The following CHD6 variants were observed in gnomAD, a reference collection of about 807,000 sequenced individuals.
CHD6 encodes chromodomain helicase DNA binding protein 6.
CHD6 carries 50 observed loss-of-function variants against 276.9 expected under a neutral mutation model. The ratio of observed to expected loss-of-function variants is 0.18; its 90% CI spans 0.14 to 0.23. The LOEUF (loss-of-function observed/expected upper bound fraction) is 0.23. CHD6 is among the 10% of genes least tolerant of loss of function. The probability of loss-of-function intolerance (pLI) is 1.00; values close to 1 mark genes in which losing one functional copy is unlikely to be tolerated. For missense variants in CHD6, 2,564 were observed against 3,365.8 expected, an observed-to-expected ratio of 0.76 and a Z score of 5.89; for synonymous variants, 1,173 against 1,229.3, an observed-to-expected ratio of 0.95 and a Z score of 0.96.
intron 14 of CHD6, chr20:41,486,112 G>C (rs1405278776): frequency 6.6e-6 from 1 of 152,068 alleles, no homozygotes; most frequent in Non-Finnish European, 1.5e-5. Flanking sequence ...TCCCCCATAT[G>C]GGTAAGGAAT....
chr20:41,451,780 G>T, intron 22 of CHD6, 46 bp downstream of exon 22: 1 of 1,536,058 alleles, frequency 6.5e-7, no homozygotes, highest in Non-Finnish European at 9.0e-7. Flanking sequence ...AGGGGATGAA[G>T]TGCATGGGAA....
Position 41,413,349 on chromosome 20 carries a change from G to A in CHD6, c.7106C>T (p.Ser2369Phe). The change falls in exon 35 of 37, where the codon TCC (serine) becomes TTC (phenylalanine). Residue 2369 changes from serine (S) to phenylalanine (F), a missense_variant. By Grantham distance (155) the Ser-to-Phe change is radical (BLOSUM62 -2). This residue lies in a region of CHD6 where 1,024 missense variants were observed against 1,047.9 expected (regional missense o/e 0.98). Coordinates refer to ENST00000373233, the MANE Select transcript of CHD6 (RefSeq NM_032221.5). ...LDWLRQQADY[S>F]LEVPGFGANF... is the part of the protein sequence containing the mutation. ...TGCCCCAAAGCCAGGAACTTCTAAG[G>A]AGTAGTCAGCCTGCTGCCTTAGCCA... is the stretch of plus-strand genomic sequence containing the variant. 1 of 1,610,126 alleles carries A rather than the reference G, an allele frequency of 6.2e-7. No individual in the cohort carries two copies. Among genetic ancestry groups the A allele is most frequent in the East Asian group, 2.2e-5 (1 of 44,782 alleles).
At chr20:41,445,572 T>C (rs2048039905) in intron 25 of CHD6, 93 bp downstream of exon 25, 1 of 728,070 alleles carries the variant, frequency 1.4e-6, no homozygotes, top group Non-Finnish European at 2.4e-6. Flanking sequence ...GATAGAGTTT[T>C]GCAGGAACAT....
chr20:41,512,887 T>C lies in CHD6; in HGVS notation c.811A>G (p.Thr271Ala), dbSNP rs2044155220. The change falls in exon 5 of 37, where the codon ACA becomes GCA. Residue 271 changes from threonine (T) to alanine (A), a missense_variant. Coordinates refer to ENST00000373233, the MANE Select transcript of CHD6 (RefSeq NM_032221.5). Reference protein sequence around the residue: ...ETIAVLGAGRTSALSASTLAW... With the variant: ...ETIAVLGAGRASALSASTLAW... ...AGTGTAGAGGCTGAGAGTGCAGATG[T>C]TCGACCAGCTCCAAGAACAGCAATT... 5.6e-6 allele frequency: 9 copies of C among 1,614,084 alleles called. No homozygotes were observed. The highest frequency in any genetic ancestry group is 7.6e-6 in the Non-Finnish European group (9 of 1,179,960).
chr20:41,448,496 G>A (rs887636515), intron 23 of CHD6, among the ~76,000 whole-genome samples: 3 of 152,218 alleles, frequency 2.0e-5, no homozygotes, highest in African/African-American at 7.2e-5. Context: ...CATCAAACAT[G>A]TCTCAGACAA....
intron 1 of CHD6, among the ~76,000 whole-genome samples, chr20:41,608,180 T>C (rs374762928): frequency 2.0e-4 from 31 of 152,212 alleles, no homozygotes; most frequent in Admixed American, 2.0e-3. Flanking sequence ...ATGCACATTA[T>C]TTAAAATAAA....
chr20:41,523,521 T>A (rs1008231122), intron 3 of CHD6, among the ~76,000 whole-genome samples: 9 of 152,218 alleles, frequency 5.9e-5, no homozygotes, highest in Admixed American at 5.9e-4. Context: ...ATCATACATG[T>A]AGGACAACTA....
chr20:41,516,172 T>G (rs1160235727), intron 3 of CHD6, among the ~76,000 whole-genome samples: 1 of 143,484 alleles, frequency 7.0e-6, no homozygotes, highest in East Asian at 1.9e-4. Flanking sequence ...ATGGTAATTT[T>G]TTTTTTTTTT....
At chr20:41,591,867 A>T (rs2045665273) in intron 1 of CHD6, among the ~76,000 whole-genome samples, 1 of 152,208 alleles carries the variant, frequency 6.6e-6, no homozygotes. Context: ...TGGGAGGCCA[A>T]GGCAGGCAGA....
At chr20:41,465,421 A>T (rs539507602) in intron 17 of CHD6, among the ~76,000 whole-genome samples, 1 of 152,218 alleles carries the variant, frequency 6.6e-6, no homozygotes, top group Admixed American at 6.5e-5. Flanking sequence ...AGAAAACATC[A>T]GGCAAATACA....
intron 34 of CHD6, chr20:41,414,792 T>G: frequency 9.2e-7 from 1 of 1,089,962 alleles, no homozygotes; most frequent in Non-Finnish European, 1.1e-6. Flanking sequence ...CACATTCAGG[T>G]AGCCCTGACT....
chr20:41,412,337 A>G (rs1040212905), intron 35 of CHD6, 74 bp from the exon 36 acceptor site: 3 of 1,548,718 alleles, frequency 1.9e-6, no homozygotes, highest in African/African-American at 2.7e-5. Flanking sequence ...ATGCTTTTCA[A>G]CTGGTTTTGC....
chr20:41,528,054 C>G (rs2044587696), intron 3 of CHD6, among the ~76,000 whole-genome samples: 1 of 152,218 alleles, frequency 6.6e-6, no homozygotes, highest in Non-Finnish European at 1.5e-5. Context: ...GTTCATTATA[C>G]ATTATCCAGT....
At chr20:41,588,204 G>C (rs1233372459) in intron 1 of CHD6, among the ~76,000 whole-genome samples, 4 of 152,132 alleles carry the variant, frequency 2.6e-5, no homozygotes. Context: ...GGATAAATGT[G>C]TTAGTCATCA....
intron 2 of CHD6, among the ~76,000 whole-genome samples, chr20:41,543,180 C>G (rs191148224): frequency 8.6e-5 from 13 of 151,646 alleles, no homozygotes; most frequent in Non-Finnish European, 1.9e-4. Context: ...AGATACTAAG[C>G]TTATTAAATG....
At chr20:41,576,410 G>C (rs1426977658) in intron 1 of CHD6, among the ~76,000 whole-genome samples, 1 of 152,216 alleles carries the variant, frequency 6.6e-6, no homozygotes, top group Non-Finnish European at 1.5e-5. Context: ...CACAGGCCAG[G>C]CGTGGTGGCT....
At chr20:41,613,709 T>C (rs2045909866) in intron 1 of CHD6, among the ~76,000 whole-genome samples, 1 of 152,228 alleles carries the variant, frequency 6.6e-6, no homozygotes, top group Non-Finnish European at 1.5e-5. Flanking sequence ...CCTAAATTAA[T>C]GATCCTTAGT....
chr20:41,493,108 G>A (rs989903550), intron 10 of CHD6, among the ~76,000 whole-genome samples: 5 of 152,110 alleles, frequency 3.3e-5, no homozygotes, highest in African/African-American at 9.7e-5. Context: ...GGGATCTGCA[G>A]ATAAAGGACA....
Position 41,405,038 on chromosome 20 carries a change from G to A in CHD6, c.7703C>T (p.Thr2568Ile). 6.2e-7 allele frequency: 1 copy of A among 1,614,236 alleles called. No individual in the cohort carries two copies. The highest frequency in any genetic ancestry group is 8.5e-7 in the Non-Finnish European group (1 of 1,180,044). Residue 2568 changes from threonine (T) to isoleucine (I), a missense_variant, in exon 37 of 37, where the codon ACT (threonine) becomes ATT (isoleucine). This residue lies in a region of CHD6 where 238 missense variants were observed against 266.0 expected (regional missense o/e 0.89). Coordinates refer to ENST00000373233, the MANE Select transcript of CHD6 (RefSeq NM_032221.5). ...ATGGCTACTCGGCTTGTCTTCCGCA[G>A]TCTTTTCAGTCACTGCCGTACCACT... is the stretch of plus-strand genomic sequence containing the variant. ...TKSGTAVTEK[T>I]AEDKPSSHDV...
Sources: allele counts gnomAD v4.1 joint callset (sites outside exome capture counted in the v4.1 genomes callset), GRCh38; gene constraint gnomAD v4.1.1; regional missense constraint gnomAD v4.1.1; transcripts MANE v1.5; gene names NCBI Gene and HGNC (gene_info 2026-07-23, HGNC 2026-07-21).